CSMD3: variants seen among roughly 807,000 people sequenced by gnomAD.
CSMD3 encodes the protein CUB and Sushi multiple domains 3, also known as CUB and sushi domain-containing protein 3.
Under a neutral mutation model 435.2 loss-of-function variants are expected in CSMD3, and 177 were observed. The observed-to-expected ratio is 0.41, with a 90% CI of 0.36 to 0.46. The LOEUF (loss-of-function observed/expected upper bound fraction) is 0.46. Ranked by LOEUF, CSMD3 falls within the 20% of genes least tolerant of loss-of-function variation. The pLI is 0.34. For synonymous variants in CSMD3, 1,656 were observed against 1,520.5 expected, an observed-to-expected ratio of 1.09 and a Z score of -2.07; for missense variants, 4,265 against 4,504.6, an observed-to-expected ratio of 0.95 and a Z score of 1.52.
chr8:112,869,900 G>A (rs1477654353), intron 10 of CSMD3, among the ~76,000 whole-genome samples: 4 of 152,084 alleles, frequency 2.6e-5, no homozygotes, highest in Admixed American at 6.5e-5. Context: ...GACAAGGGGA[G>A]GGAGAGCATT....
intron 3 of CSMD3, among the ~76,000 whole-genome samples, chr8:113,191,026 T>C (rs1312934353): frequency 6.6e-6 from 1 of 151,874 alleles, no homozygotes; most frequent in Non-Finnish European, 1.5e-5. Flanking sequence ...TCTGGACATT[T>C]GTTTCTATTA....
chr8:112,514,887 T>C (rs1823510163), intron 28 of CSMD3, among the ~76,000 whole-genome samples: 1 of 151,986 alleles, frequency 6.6e-6, no homozygotes, highest in Admixed American at 6.6e-5. Flanking sequence ...GCCTTAGCAA[T>C]TTTTCAGACT....
At chr8:112,927,078 C>A (rs902014309) in intron 9 of CSMD3, among the ~76,000 whole-genome samples, 2 of 152,028 alleles carry the variant, frequency 1.3e-5, no homozygotes, top group African/African-American at 4.8e-5. Context: ...ACCAAAATGA[C>A]CACAATAATG....
intron 5 of CSMD3, among the ~76,000 whole-genome samples, chr8:113,037,498 A>AT (rs2131270060): frequency 6.6e-6 from 1 of 152,008 alleles, no homozygotes; most frequent in South Asian, 2.1e-4. Context: ...CATTTCATTG[A>AT]TTTTTCTAAC....
Position 112,342,894 on chromosome 8 carries a change from A to G in CSMD3, c.6443-1208T>C, listed in dbSNP as rs546481193. ...CACTTTTTGTTTTTATTTTTAACTG[A>G]GCACTTTTATTACAAACATTTTCCA... On this transcript the variant is annotated intron_variant, in intron 41 of 70. Coordinates refer to ENST00000297405, the MANE Select transcript of CSMD3 (RefSeq NM_198123.2). Among the ~76,000 whole-genome samples the G allele has an allele frequency of 2.0e-5, 3 of 150,200 alleles. No homozygotes were observed. The South Asian group carries it at 6.3e-4, about 31-fold the overall frequency.
intron 45 of CSMD3, among the ~76,000 whole-genome samples, chr8:112,329,744 C>A (rs1823861666): frequency 6.6e-6 from 1 of 152,080 alleles, no homozygotes; most frequent in Non-Finnish European, 1.5e-5. Flanking sequence ...ATCAACTGGG[C>A]ATATACATAC....
intron 3 of CSMD3, among the ~76,000 whole-genome samples, chr8:113,236,784 C>T (rs1045941328): frequency 1.3e-5 from 2 of 152,068 alleles, no homozygotes; most frequent in African/African-American, 2.4e-5. Flanking sequence ...TGAGCCAATT[C>T]CTCTAATAAC....
chr8:112,953,285 G>A (rs978550046), intron 8 of CSMD3, among the ~76,000 whole-genome samples: 74 of 151,510 alleles, frequency 4.9e-4, no homozygotes, highest in African/African-American at 1.8e-3. Flanking sequence ...ATATGTAAGA[G>A]TCATCTCACC....
chr8:113,003,261 A>AAAT (rs1176669559), intron 6 of CSMD3, among the ~76,000 whole-genome samples: 2 of 152,000 alleles, frequency 1.3e-5, no homozygotes, highest in Non-Finnish European at 2.9e-5. Context: ...ATAAATAAAT[A>AAAT]AATAGATAAA....
At chr8:112,679,232 A>C (rs2075833690) in intron 16 of CSMD3, among the ~76,000 whole-genome samples, 1 of 152,190 alleles carries the variant, frequency 6.6e-6, no homozygotes, top group African/African-American at 2.4e-5. Flanking sequence ...TAAGAAATCA[A>C]ACCTACCTGA....
chr8:112,360,215 G>T (rs751913155), intron 38 of CSMD3, among the ~76,000 whole-genome samples: 9 of 151,818 alleles, frequency 5.9e-5, no homozygotes, highest in Non-Finnish European at 1.2e-4. Flanking sequence ...CACTGAGAAG[G>T]CCAAATTTTG....
chr8:113,375,507 T>A (rs1489240156), intron 1 of CSMD3, among the ~76,000 whole-genome samples: 1 of 91,314 alleles, frequency 1.1e-5, no homozygotes, highest in East Asian at 3.2e-4. Context: ...AGCCAAAGAC[T>A]ATTTAATACA....
chr8:112,476,008 T>A (rs1020014783), intron 31 of CSMD3, among the ~76,000 whole-genome samples: 6 of 152,294 alleles, frequency 3.9e-5, no homozygotes, highest in Admixed American at 6.5e-5. Context: ...TTATAACTTA[T>A]GTAGTTAATA....
At chr8:112,880,944 A>G (rs572790438) in intron 10 of CSMD3, among the ~76,000 whole-genome samples, 1 of 152,044 alleles carries the variant, frequency 6.6e-6, no homozygotes, top group African/African-American at 2.4e-5. Flanking sequence ...CACTTTCTAC[A>G]TATTTATTTG....
chr8:112,713,850 C>T (rs977402384), intron 13 of CSMD3, among the ~76,000 whole-genome samples: 4 of 152,040 alleles, frequency 2.6e-5, no homozygotes, highest in Non-Finnish European at 5.9e-5. Context: ...GGAGAAATAA[C>T]CTCCATCTCA....
chr8:112,849,950 T>G (rs998691297), intron 11 of CSMD3, among the ~76,000 whole-genome samples: 1 of 152,048 alleles, frequency 6.6e-6, no homozygotes, highest in Non-Finnish European at 1.5e-5. Flanking sequence ...TTCTCAAAGT[T>G]AAATTGTAGC....
chr8:112,545,495 A>ATAAT (rs1172341909), intron 27 of CSMD3, among the ~76,000 whole-genome samples: 6 of 141,938 alleles, frequency 4.2e-5, no homozygotes, highest in African/African-American at 1.6e-4. Context: ...AAAAAAAAAA[A>ATAAT]AAAAAAAATA....
At chr8:113,029,988 AG>A (rs1227544884) in intron 5 of CSMD3, among the ~76,000 whole-genome samples, 1 of 151,624 alleles carries the variant, frequency 6.6e-6, no homozygotes. Context: ...ACAGCAACCA[AG>A]TGAAGAATCA....
intron 11 of CSMD3, among the ~76,000 whole-genome samples, chr8:112,837,075 A>G (rs1319727422): frequency 6.6e-6 from 1 of 151,830 alleles, no homozygotes; most frequent in African/African-American, 2.4e-5. Context: ...GATGTTGGGC[A>G]TATGCCTCAT....
Sources: allele counts gnomAD v4.1 joint callset (sites outside exome capture counted in the v4.1 genomes callset), GRCh38; gene constraint gnomAD v4.1.1; transcripts MANE v1.5; gene names NCBI Gene and HGNC (gene_info 2026-07-23, HGNC 2026-07-21).